Variants in ACTR8 observed in about 807,000 individuals in gnomAD.
ACTR8 encodes actin-related protein 8.
Under a neutral mutation model 84.3 loss-of-function variants are expected in ACTR8, and 70 were observed. The observed-to-expected ratio is 0.83, with a 90% CI of 0.68 to 1.01. The LOEUF is 1.01. Ranked by LOEUF, ACTR8 falls within the 50% of genes least tolerant of loss-of-function variation. ACTR8 has a pLI of 0.00. For missense variants in ACTR8, 672 were observed against 775.4 expected (o/e 0.87, Z 1.58); for synonymous variants, 268 against 275.2 (o/e 0.97, Z 0.26).
rs765889280 is a variant in ACTR8 at position 53,870,190 on chromosome 3, A to G, written c.1568-45T>C. On this transcript the variant is annotated intron_variant, in intron 11 of 12. Coordinates refer to ENST00000335754, the MANE Select transcript of ACTR8 (RefSeq NM_022899.5). The surrounding 1 kb of genome is among the most constrained non-coding windows in gnomAD (Gnocchi z 4.1). ...CCTCCATGCTTTTTTCTCCACATCC[A>G]TAATTCTAGGCCAAGCCACCAACAC... 13 of 1,596,970 alleles carry G rather than the reference A, an allele frequency of 8.1e-6. No homozygotes were observed. The East Asian group carries it at 1.1e-4, about 14-fold the overall frequency.
intron 8 of ACTR8, among the ~76,000 whole-genome samples, chr3:53,873,723 T>C (rs1183613072): frequency 6.6e-6 from 1 of 152,204 alleles, no homozygotes; most frequent in African/African-American, 2.4e-5. Flanking sequence ...ACACCCTCAC[T>C]GCTCGGACTT....
At chr3:53,861,153 G>GT in the ACTR8 span, 1 of 152,058 alleles carries the variant, frequency 6.6e-6, no homozygotes, top group Non-Finnish European at 1.5e-5. Context: ...ACAGTAAAAA[G>GT]TATCTCCAGT....
downstream of ACTR8, among the ~76,000 whole-genome samples, chr3:53,863,325 G>A (rs1190948516): frequency 6.6e-6 from 1 of 152,096 alleles, no homozygotes; most frequent in Admixed American, 6.5e-5. Context: ...TAAGGGCTTT[G>A]CTAACTTCAA....
intron 2 of ACTR8, 78 bp from the exon 3 acceptor site, chr3:53,878,545 C>G (rs1035220732): frequency 2.3e-6 from 2 of 863,378 alleles, no homozygotes; most frequent in Non-Finnish European, 3.8e-6. Flanking sequence ...CTAATTTAAT[C>G]CAATCTTTGG....
intron 4 of ACTR8, 66 bp downstream of exon 4, chr3:53,877,581 G>A (rs1373120956): frequency 1.3e-6 from 2 of 1,525,282 alleles, no homozygotes; most frequent in Non-Finnish European, 9.0e-7. Flanking sequence ...GGGTGGCAAC[G>A]TAAATGAATT....
At chr3:53,866,778 G>C (rs528937546), downstream of ACTR8, among the ~76,000 whole-genome samples, 1 of 152,126 alleles carries the variant, frequency 6.6e-6, no homozygotes, top group South Asian at 2.1e-4. Flanking sequence ...ACGGCGCCTG[G>C]CCTAAAAGCA....
At chr3:53,881,948 G>A (rs944580162) in intron 1 of ACTR8, 31 bp downstream of exon 1, 12 of 1,554,436 alleles carry the variant, frequency 7.7e-6, no homozygotes, top group Admixed American at 3.9e-5. Flanking sequence ...CCAAGCAAGG[G>A]CAAAGAGTTC....
At chr3:53,862,208 A>C (rs1221375649), downstream of ACTR8, among the ~76,000 whole-genome samples, 3 of 152,150 alleles carry the variant, frequency 2.0e-5, no homozygotes, top group Non-Finnish European at 4.4e-5. Flanking sequence ...TCAACACTAA[A>C]GTCCTCAGAG....
At chr3:53,860,290 A>T in the ACTR8 span, 34 of 1,341,822 alleles carry the variant, frequency 2.5e-5, no homozygotes, top group Non-Finnish European at 3.0e-5. Context: ...ATTTTTTTTT[A>T]AAGAAGATTC....
intron 7 of ACTR8, among the ~76,000 whole-genome samples, chr3:53,875,739 A>G (rs1699955009): frequency 6.6e-6 from 1 of 152,256 alleles, no homozygotes; most frequent in African/African-American, 2.4e-5. Flanking sequence ...GTAAATTCCT[A>G]TTAAGAAGTT....
At chr3:53,864,116 C>G (rs778459527), downstream of ACTR8, among the ~76,000 whole-genome samples, 24 of 152,108 alleles carry the variant, frequency 1.6e-4, no homozygotes, top group Non-Finnish European at 2.2e-4. Context: ...AGCCACCACA[C>G]CTGGCCAACA....
At chr3:53,877,887 G>C in intron 3 of ACTR8, 136 bp from the exon 4 acceptor site, 1 of 661,158 alleles carries the variant, frequency 1.5e-6, no homozygotes, top group Non-Finnish European at 2.6e-6. Context: ...AATATTGACT[G>C]GCTGCAAAAG....
intron 4 of ACTR8, 73 bp downstream of exon 4, chr3:53,877,574 T>C: frequency 6.7e-7 from 1 of 1,487,072 alleles, no homozygotes; most frequent in Non-Finnish European, 9.3e-7. Context: ...TAGGACTGGG[T>C]GGCAACGTAA....
intron 2 of ACTR8, 144 bp downstream of exon 2, chr3:53,879,795 T>G (rs557817371): frequency 1.2e-6 from 1 of 845,324 alleles, no homozygotes; most frequent in East Asian, 2.6e-5. Flanking sequence ...AGTCACTAGC[T>G]CTGATGAAAA....
chr3:53,872,117 G>A (rs1050838460), intron 10 of ACTR8, among the ~76,000 whole-genome samples: 1 of 152,178 alleles, frequency 6.6e-6, no homozygotes, highest in Non-Finnish European at 1.5e-5. Flanking sequence ...TTCAGAAGTA[G>A]ATAATGTAAG....
Position 53,882,129 on chromosome 3 carries a change from C to T in ACTR8, c.-28G>A. ...TGGCCGGAGACACCCACCAACCTCT[C>T]GCCTCAGCGCTGCAGCCACGACTGC... On this transcript the variant is annotated 5_prime_UTR_variant, in exon 1 of 13. Transcript: ENST00000335754. 1.3e-6 allele frequency: 2 copies of T among 1,549,704 alleles called. No individual in the cohort carries two copies. The highest frequency in any genetic ancestry group is 1.2e-5 in the South Asian group (1 of 83,984).
chr3:53,864,960 G>T, downstream of ACTR8: 1 of 1,614,156 alleles, frequency 6.2e-7, no homozygotes, highest in South Asian at 1.1e-5. Context: ...CTCAAAAGAA[G>T]GCAGCAGACA....
chr3:53,868,423 G>C lies in ACTR8; in HGVS notation c.*296C>G. On this transcript the variant is annotated 3_prime_UTR_variant, in exon 13 of 13. Coordinates refer to ENST00000335754, the MANE Select transcript of ACTR8 (RefSeq NM_022899.5). ...TTAAATGAAGGGCTTCACCACATGA[G>C]AACCTTCAATAGCAACGTTTACATC... is the stretch of plus-strand genomic sequence containing the variant. 1 of 303,574 alleles carries C rather than the reference G, an allele frequency of 3.3e-6. No homozygotes were observed. The highest frequency in any genetic ancestry group is 6.7e-5 in the East Asian group (1 of 14,826). 18.8% of individuals were successfully genotyped at this position (303,574 alleles called of 1,614,324 possible). A position where few individuals can be genotyped will look rare whatever the true frequency, so the allele number is the denominator to read the frequency against.
chr3:53,880,250 C>A, intron 1 of ACTR8, 141 bp from the exon 2 acceptor site: 1 of 836,404 alleles, frequency 1.2e-6, no homozygotes, highest in East Asian at 2.6e-5. Context: ...GAGAAGTATC[C>A]AATTACCGCT....
Sources: allele counts gnomAD v4.1 joint callset (sites outside exome capture counted in the v4.1 genomes callset), GRCh38; gene constraint gnomAD v4.1.1; non-coding constraint Gnocchi (gnomAD v3.1); transcripts MANE v1.5; gene names NCBI Gene and HGNC (gene_info 2026-07-23, HGNC 2026-07-21).